Variants in RANBP2 observed in about 807,000 individuals in gnomAD.
The protein encoded by RANBP2 is E3 SUMO-protein ligase RanBP2.
RANBP2 carries 57 observed loss-of-function variants against 303.6 expected under a neutral mutation model. The ratio of observed to expected loss-of-function variants is 0.19; its 90% confidence interval spans 0.15 to 0.23. The LOEUF (loss-of-function observed/expected upper bound fraction) is 0.23. RANBP2 is among the 10% of genes least tolerant of loss of function. The pLI is 1.00. For missense variants in RANBP2, 3,138 were observed against 3,780.8 expected (o/e 0.83, Z 4.46); for synonymous variants, 1,167 against 1,301.5 (o/e 0.90, Z 2.23).
chr2:108,923,553 A>C, the RANBP2 span: 1 of 1,097,126 alleles, frequency 9.1e-7, no homozygotes, highest in Non-Finnish European at 1.4e-6. Flanking sequence ...CAGGCCCACA[A>C]TCAAGTCGGG....
At chr2:109,413,795 C>G in the RANBP2 span, among the ~76,000 whole-genome samples, 1 of 152,190 alleles carries the variant, frequency 6.6e-6, no homozygotes, top group East Asian at 1.9e-4. Flanking sequence ...GGACAGAAAC[C>G]AGGGGACTGT....
At chr2:109,554,851 G>A in the RANBP2 span, among the ~76,000 whole-genome samples, 1 of 152,080 alleles carries the variant, frequency 6.6e-6, no homozygotes, top group Non-Finnish European at 1.5e-5. Context: ...GTGCTGATAT[G>A]GAGTACTAGA....
At chr2:109,654,642 T>C in the RANBP2 span, among the ~76,000 whole-genome samples, 1 of 152,128 alleles carries the variant, frequency 6.6e-6, no homozygotes, top group African/African-American at 2.4e-5. Context: ...TATCATAGAA[T>C]TGATAGAGCT....
At chr2:109,740,301 G>A in the RANBP2 span, among the ~76,000 whole-genome samples, 1 of 151,844 alleles carries the variant, frequency 6.6e-6, no homozygotes, top group Non-Finnish European at 1.5e-5. Flanking sequence ...AGACACAACA[G>A]TCTTTAATGT....
the RANBP2 span, among the ~76,000 whole-genome samples, chr2:109,412,630 G>C: frequency 3.9e-5 from 6 of 152,370 alleles, no homozygotes; most frequent in South Asian, 1.2e-3. Flanking sequence ...CCCTGACAAA[G>C]ATGGCACATG....
the RANBP2 span, among the ~76,000 whole-genome samples, chr2:109,468,748 G>A: frequency 1.6e-4 from 25 of 151,600 alleles, no homozygotes; most frequent in East Asian, 4.3e-3. Context: ...CAGCTACTCA[G>A]GAGGCTGAGG....
chr2:109,590,266 C>T, the RANBP2 span, among the ~76,000 whole-genome samples: 2 of 151,844 alleles, frequency 1.3e-5, no homozygotes, highest in South Asian at 2.1e-4. Context: ...TCGCTAACAC[C>T]GATGCCCCTG....
chr2:109,710,199 C>T, the RANBP2 span, among the ~76,000 whole-genome samples: 15 of 150,008 alleles, frequency 1.0e-4, no homozygotes, highest in East Asian at 2.0e-3. Context: ...CTGGCCAACG[C>T]GGTGAAAACC....
the RANBP2 span, among the ~76,000 whole-genome samples, chr2:108,982,070 C>T: frequency 0.019 from 2,918 of 152,318 alleles, 69 homozygotes; most frequent in South Asian, 0.11. Context: ...GTAACAGCAC[C>T]ATGCAATTTG....
At chr2:109,452,139 GC>G in the RANBP2 span, among the ~76,000 whole-genome samples, 1 of 152,220 alleles carries the variant, frequency 6.6e-6, no homozygotes, top group African/African-American at 2.4e-5. Context: ...GGCATTTACA[GC>G]TGCCATTTGC....
chr2:109,116,404 T>G, the RANBP2 span, among the ~76,000 whole-genome samples: 2 of 152,248 alleles, frequency 1.3e-5, no homozygotes, highest in African/African-American at 4.8e-5. Flanking sequence ...CTGATACCCT[T>G]TCTTCCAGTT....
chr2:109,129,976 G>GC, the RANBP2 span: 1 of 1,323,316 alleles, frequency 7.6e-7, no homozygotes, highest in African/African-American at 1.5e-5. Flanking sequence ...CCAGAGTGCG[G>GC]CCCCCACGCT....
At chr2:108,777,830 G>A (rs955993648) in intron 25 of RANBP2, among the ~76,000 whole-genome samples, 6 of 151,886 alleles carry the variant, frequency 4.0e-5, no homozygotes, top group Non-Finnish European at 5.9e-5. Flanking sequence ...GCTCTTTATA[G>A]CACCCCTTAA....
chr2:109,412,934 TG>T, the RANBP2 span, among the ~76,000 whole-genome samples: 2 of 152,194 alleles, frequency 1.3e-5, no homozygotes, highest in Admixed American at 6.5e-5. Flanking sequence ...ATACCCTACA[TG>T]GCCCTCCAGG....
At chr2:109,130,280 G>C in the RANBP2 span, among the ~76,000 whole-genome samples, 3 of 152,198 alleles carry the variant, frequency 2.0e-5, no homozygotes, top group Non-Finnish European at 2.9e-5. Context: ...GGCGGCATCC[G>C]GCCCCTGGGC....
At chr2:108,821,859 T>C in the RANBP2 span, among the ~76,000 whole-genome samples, 1 of 149,898 alleles carries the variant, frequency 6.7e-6, no homozygotes, top group Admixed American at 6.7e-5. Flanking sequence ...GCGGGAGAAT[T>C]GCTTGAACCC....
At chr2:109,029,742 C>G in the RANBP2 span, among the ~76,000 whole-genome samples, 16 of 152,294 alleles carry the variant, frequency 1.1e-4, no homozygotes, top group East Asian at 3.1e-3. Context: ...CAGGGCCCCC[C>G]GGCAGCCATC....
At chr2:108,870,028 CTAATGAGAAA>C in the RANBP2 span, among the ~76,000 whole-genome samples, 1 of 152,088 alleles carries the variant, frequency 6.6e-6, no homozygotes, top group East Asian at 1.9e-4. Context: ...GCTCAATGAG[CTAATGAGAAA>C]TAATGAAATC....
chr2:108,887,816 G>A, the RANBP2 span, among the ~76,000 whole-genome samples: 1 of 152,108 alleles, frequency 6.6e-6, no homozygotes, highest in Non-Finnish European at 1.5e-5. Flanking sequence ...TCAGCAAGGA[G>A]GGCCAATTTA....
Sources: allele counts gnomAD v4.1 joint callset (sites outside exome capture counted in the v4.1 genomes callset), GRCh38; gene constraint gnomAD v4.1.1; transcripts MANE v1.5; gene names NCBI Gene and HGNC (gene_info 2026-07-23, HGNC 2026-07-21).